Variants in MYLIP observed in about 807,000 individuals in gnomAD.
MYLIP encodes the protein myosin regulatory light chain interacting protein.
In MYLIP, 26 loss-of-function variants were observed where a neutral mutation model predicts 45.8. The observed-to-expected ratio is 0.57, with a 90% CI of 0.42 to 0.79. MYLIP has a LOEUF of 0.79. Among genes scored for constraint, MYLIP ranks in the 30% least tolerant of loss-of-function variants. The pLI is 0.00. For synonymous variants in MYLIP, 213 were observed against 218.1 expected (o/e 0.98, Z 0.21); for missense variants, 494 against 555.6 (o/e 0.89, Z 1.11).
At chr6:16,153,373 T>C in the MYLIP span, among the ~76,000 whole-genome samples, 2 of 152,242 alleles carry the variant, frequency 1.3e-5, no homozygotes, top group South Asian at 4.1e-4. Context: ...GCTCTTTACA[T>C]CAGCGTTTCC....
Position 16,129,505 on chromosome 6 carries a change from G to T in MYLIP, c.87+96G>T, listed in dbSNP as rs1759410164. The T allele has an allele frequency of 3.2e-6, 4 of 1,256,684 alleles. No homozygotes were observed. In the East Asian group the frequency reaches 1.0e-4, roughly 33 times the overall value. The allele number at this position is 1,256,684 out of a possible 1,614,324, so 77.8% of individuals were successfully genotyped here. On this transcript the variant is annotated intron_variant, in intron 1 of 6. Coordinates refer to ENST00000356840, the MANE Select transcript of MYLIP (RefSeq NM_013262.4). This position sits in a 1 kb window ranked among gnomAD's most constrained non-coding sequence, Gnocchi z 5.1. ...CACTCTGGCGCGCCCCCTACTAGGG[G>T]CCGGGAGGCACTGCGGCGGCAGCCG... is the stretch of plus-strand genomic sequence containing the variant.
intron 2 of MYLIP, among the ~76,000 whole-genome samples, chr6:16,131,038 A>G (rs1214903500): frequency 6.6e-6 from 1 of 151,370 alleles, no homozygotes; most frequent in Non-Finnish European, 1.5e-5. Flanking sequence ...GGAAAAAAAA[A>G]AAAAAAAAAA....
the MYLIP span, among the ~76,000 whole-genome samples, chr6:16,157,997 TC>T: frequency 6.6e-6 from 1 of 152,206 alleles, no homozygotes; most frequent in Non-Finnish European, 1.5e-5. Context: ...AAAGTCATGC[TC>T]CCATGACTAC....
In MYLIP at chr6:16,143,755, C is replaced by G; in HGVS notation, c.719C>G (p.Thr240Arg). Residue 240 changes from threonine (T) to arginine (R), a missense_variant, in exon 5 of 7, where the codon ACG (threonine) becomes AGG (arginine). Thr to Arg is a moderately conservative substitution (Grantham distance 71). Coordinates refer to ENST00000356840, the MANE Select transcript of MYLIP (RefSeq NM_013262.4). ...CAGTCAGGAAAGAATGTATATTTGACGGTCACCAAGGAATCTGGGAACAGC... is the reference window on the plus strand; with the variant it reads ...CAGTCAGGAAAGAATGTATATTTGAGGGTCACCAAGGAATCTGGGAACAGC... ...ATQSGKNVYLTVTKESGNSIV... is the reference protein window; with the variant it reads ...ATQSGKNVYLRVTKESGNSIV... 1 of 1,614,028 alleles carries G rather than the reference C, an allele frequency of 6.2e-7. No homozygotes were observed. Among genetic ancestry groups the G allele is most frequent in the Non-Finnish European group, 8.5e-7 (1 of 1,179,994 alleles).
chr6:16,163,019 A>G, the MYLIP span, among the ~76,000 whole-genome samples: 2 of 151,974 alleles, frequency 1.3e-5, no homozygotes, highest in African/African-American at 4.8e-5. Flanking sequence ...GCTTGTGAAG[A>G]TGAGGGGTGC....
chr6:16,141,673 C>A lies in MYLIP; in HGVS notation c.327C>A (p.Leu109=). Residue 109 remains leucine, a synonymous_variant, in exon 3 of 7, where the codon CTC becomes CTA. Coordinates refer to ENST00000356840, the MANE Select transcript of MYLIP (RefSeq NM_013262.4). ...AGGAGGCCCTCTTGGCAGGCCACCT[C>A]TTGTGTTCCCCAGAGCAGGCAGTGG... ...HIKEALLAGH[L]LCSPEQAVEL... is the part of the protein sequence containing the mutation. 6.2e-7 allele frequency: 1 copy of A among 1,614,076 alleles called. No individual in the cohort carries two copies.
the MYLIP span, among the ~76,000 whole-genome samples, chr6:16,156,512 G>A: frequency 1.3e-5 from 2 of 152,220 alleles, no homozygotes; most frequent in African/African-American, 4.8e-5. Context: ...GCCAAGAGAA[G>A]GAAGACACAA....
At chr6:16,159,265 G>C in the MYLIP span, among the ~76,000 whole-genome samples, 1 of 152,318 alleles carries the variant, frequency 6.6e-6, no homozygotes, top group Admixed American at 6.5e-5. Flanking sequence ...GGAGTGGGGA[G>C]ACTTTCTCCA....
At position 16,145,186 on chromosome 6, in the gene MYLIP, G is replaced by A; in HGVS notation, c.1117G>A (p.Val373Met). 2 of 1,614,198 alleles carry A rather than the reference G, an allele frequency of 1.2e-6. No individual in the cohort carries two copies. Among genetic ancestry groups the A allele is most frequent in the Non-Finnish European group, 1.7e-6 (2 of 1,180,038 alleles). Residue 373 changes from valine to methionine, a missense_variant, in exon 6 of 7, where the codon GTG (valine) becomes ATG (methionine). Transcript: ENST00000356840. Reference sequence around the variant, plus strand: ...GGGCCTCAGCTGCCAGCAGACCCGGGTGCTGCAGGAGAAGCTACGCAAGCT... The same window carrying A: ...GGGCCTCAGCTGCCAGCAGACCCGGATGCTGCAGGAGAAGCTACGCAAGCT... ...CEGLSCQQTR[V>M]LQEKLRKLKE...
Position 16,141,777 on chromosome 6 carries a change from G to T in MYLIP, c.431G>T (p.Cys144Phe). 2 of 1,613,620 alleles carry T rather than the reference G, an allele frequency of 1.2e-6. No homozygotes were observed. The highest frequency in any genetic ancestry group is 1.7e-6 in the Non-Finnish European group (2 of 1,179,660). ...NTAKYNYEEL[C>F]AKELSSATLN... Reference sequence around the variant, plus strand: ...GCCAAGTATAACTATGAGGAGCTCTGTGCCAAGGAGCTCTCCTCTGCCACC... The same window carrying T: ...GCCAAGTATAACTATGAGGAGCTCTTTGCCAAGGAGCTCTCCTCTGCCACC... The change falls in exon 3 of 7, where the codon TGT (cysteine) becomes TTT (phenylalanine). Residue 144 changes from cysteine (C) to phenylalanine (F), a missense_variant. Physicochemically the swap from Cys to Phe is radical, Grantham distance 205 (BLOSUM62 -2). Transcript: ENST00000356840.
intron 5 of MYLIP, 118 bp downstream of exon 5, chr6:16,143,981 A>G: frequency 8.4e-7 from 1 of 1,192,144 alleles, no homozygotes; most frequent in South Asian, 1.7e-5. Flanking sequence ...AGAATTTAAG[A>G]AATTCTGAAC....
chr6:16,145,116 G>A lies in MYLIP; in HGVS notation c.1047G>A (p.Ser349=), dbSNP rs1393149562. ...VSRNNQSPSH[S]PLKSSESSMN... ...GAAACAACCAGAGCCCTTCACACTC[G>A]CCTCTGAAGTCCTCAGAAAGCAGCA... Residue 349 remains serine (S), a synonymous_variant, in exon 6 of 7, where the codon TCG becomes TCA. Coordinates refer to ENST00000356840, the MANE Select transcript of MYLIP (RefSeq NM_013262.4). 9.3e-6 allele frequency: 15 copies of A among 1,614,152 alleles called. No individual in the cohort carries two copies. The highest frequency in any genetic ancestry group is 3.3e-5 in the Admixed American group (2 of 60,028).
chr6:16,143,935 C>T (rs553822291), intron 5 of MYLIP, 72 bp downstream of exon 5: 47 of 1,507,640 alleles, frequency 3.1e-5, no homozygotes, highest in East Asian at 4.6e-5. Context: ...CAGGTTTCTA[C>T]GGTTCCTTGG....
At chr6:16,133,332 C>G (rs1322265932) in intron 2 of MYLIP, among the ~76,000 whole-genome samples, 1 of 152,134 alleles carries the variant, frequency 6.6e-6, no homozygotes, top group African/African-American at 2.4e-5. Flanking sequence ...ATATGTGTCT[C>G]TGAAAACAGA....
At chr6:16,159,720 A>G in the MYLIP span, among the ~76,000 whole-genome samples, 3,469 of 152,252 alleles carry the variant, frequency 0.023, 111 homozygotes, top group African/African-American at 0.074. Context: ...TCTTTGGAAT[A>G]GGGACATGTC....
Position 16,144,790 on chromosome 6 carries a change from C to T in MYLIP, c.828-107C>T, listed in dbSNP as rs567348383. The T allele has an allele frequency of 4.2e-5, 54 of 1,278,428 alleles. No homozygotes were observed. In the South Asian group the frequency reaches 4.8e-4, roughly 11 times the overall value. The allele number at this position is 1,278,428 out of a possible 1,614,324, so 79.2% of individuals were successfully genotyped here. ...AAGGACTTACTTTCATACATGCAGA[C>T]GAGACTATGAAACATCTGCTGACAT... On this transcript the variant is annotated intron_variant, in intron 5 of 6. Transcript: ENST00000356840.
chr6:16,134,538 C>T (rs1201936238), intron 2 of MYLIP, among the ~76,000 whole-genome samples: 2 of 152,190 alleles, frequency 1.3e-5, no homozygotes, highest in Admixed American at 1.3e-4. Flanking sequence ...AAGAAACTAC[C>T]ACTTATCTGG....
At position 16,130,546 on chromosome 6, in the gene MYLIP, TTTTG is replaced by T. The variant is rs766771428; in HGVS notation, c.88-7_88-4del. 1 of 1,612,882 alleles carries T rather than the reference TTTTG, an allele frequency of 6.2e-7. No homozygotes were observed. Among genetic ancestry groups the T allele is most frequent in the South Asian group, 1.1e-5 (1 of 91,016 alleles). The stretch of plus-strand genomic sequence containing the variant: ...ATTTGCTCATCCAGGCTGCATTCCT[TTTTG>T]TTTTAGGTGTGCAGGCGACTGGGAA... On this transcript the variant is annotated splice_region_variant and splice_polypyrimidine_tract_variant and intron_variant, in intron 1 of 6. Coordinates refer to ENST00000356840, the MANE Select transcript of MYLIP (RefSeq NM_013262.4).
chr6:16,139,391 A>G (rs1759618923), intron 2 of MYLIP, among the ~76,000 whole-genome samples: 1 of 152,038 alleles, frequency 6.6e-6, no homozygotes, highest in Admixed American at 6.5e-5. Flanking sequence ...CCATCTCAAA[A>G]AAAAAAAAAA....
Sources: allele counts gnomAD v4.1 joint callset (sites outside exome capture counted in the v4.1 genomes callset), GRCh38; gene constraint gnomAD v4.1.1; non-coding constraint Gnocchi (gnomAD v3.1); transcripts MANE v1.5; gene names NCBI Gene and HGNC (gene_info 2026-07-23, HGNC 2026-07-21).